VPS37D: variants seen among roughly 807,000 people sequenced by gnomAD.
The protein encoded by VPS37D is vacuolar protein sorting-associated protein 37D.
In VPS37D, 5 loss-of-function variants were observed where a neutral mutation model predicts 22.0. The ratio of observed to expected loss-of-function variants is 0.23; its 90% confidence interval spans 0.12 to 0.48. The LOEUF is 0.48. VPS37D is among the 20% of genes least tolerant of loss of function. VPS37D has a pLI of 0.99. For missense variants in VPS37D, 384 were observed against 345.8 expected (o/e 1.11, Z -0.88); for synonymous variants, 174 against 159.3 (o/e 1.09, Z -0.69).
rs1329530544 is a variant in VPS37D at position 73,671,552 on chromosome 7, G to T, written c.*176G>T. On this transcript the variant is annotated 3_prime_UTR_variant, in exon 4 of 4. Transcript: ENST00000324941. The stretch of plus-strand genomic sequence containing the variant: ...GTCCCCTGGAAGAGGCCCGAGAGGG[G>T]GCTGGGGGTGGGTGGGCAGGGCTTT... 2.8e-6 allele frequency: 1 copy of T among 362,976 alleles called. No homozygotes were observed. Among genetic ancestry groups the T allele is most frequent in the Non-Finnish European group, 4.9e-6 (1 of 203,640 alleles). 22.5% of individuals were successfully genotyped at this position (362,976 alleles called of 1,614,324 possible). A position where few individuals can be genotyped will look rare whatever the true frequency, so the allele number is the denominator to read the frequency against.
At chr7:73,667,496 C>CT (rs1431860364), upstream of VPS37D, among the ~76,000 whole-genome samples, 1 of 152,086 alleles carries the variant, frequency 6.6e-6, no homozygotes, top group Non-Finnish European at 1.5e-5. Flanking sequence ...TTGGGGAGGG[C>CT]TGCAAGGCAG....
chr7:73,669,804 G>A (rs544645776), intron 2 of VPS37D, among the ~76,000 whole-genome samples: 2 of 152,268 alleles, frequency 1.3e-5, no homozygotes, highest in East Asian at 3.9e-4. Context: ...AGATGCTGAG[G>A]GGGACAAAGC....
intron 3 of VPS37D, 64 bp downstream of exon 3, chr7:73,670,166 C>T: frequency 6.5e-7 from 1 of 1,547,840 alleles, no homozygotes; most frequent in Non-Finnish European, 8.7e-7. Context: ...CACCCCCTGG[C>T]TCATTCTTAC....
chr7:73,667,485 C>T (rs896180291), upstream of VPS37D, among the ~76,000 whole-genome samples: 1 of 152,116 alleles, frequency 6.6e-6, no homozygotes, highest in Non-Finnish European at 1.5e-5. Flanking sequence ...AAAACTGAGG[C>T]TTGGGGAGGG....
chr7:73,668,640 G>C (rs891254119), intron 1 of VPS37D, among the ~76,000 whole-genome samples: 1 of 152,036 alleles, frequency 6.6e-6, no homozygotes, highest in Admixed American at 6.6e-5. Context: ...TTGTCTGTGG[G>C]GGGCAGAAAG....
Position 73,668,014 on chromosome 7 carries a change from T to G in VPS37D, c.56T>G (p.Phe19Cys). The stretch of plus-strand genomic sequence containing the variant: ...CCGGAGCCCGGCAGCCCGGGGCGCT[T>G]TGGGATCCTCAGCACCGGGCAGCTC... ...AGPEPGSPGR[F>C]GILSTGQLRD... The change falls in exon 1 of 4, where the codon TTT becomes TGT. Residue 19 changes from phenylalanine (F) to cysteine (C), a missense_variant. Physicochemically the swap from Phe to Cys is radical, Grantham distance 205 (BLOSUM62 -2). Coordinates refer to ENST00000324941, the MANE Select transcript of VPS37D (RefSeq NM_001077621.2). The G allele has an allele frequency of 4.4e-6, 5 of 1,125,906 alleles. No individual in the cohort carries two copies. The highest frequency in any genetic ancestry group is 2.2e-6 in the Non-Finnish European group (2 of 912,698). The allele number at this position is 1,125,906 out of a possible 1,614,324, so 69.7% of individuals were successfully genotyped here.
In VPS37D at chr7:73,668,053, A is replaced by G. The variant is rs1554608996; in HGVS notation, c.95A>G (p.Gln32Arg). 2.6e-6 allele frequency: 3 copies of G among 1,163,670 alleles called. No homozygotes were observed. The highest frequency in any genetic ancestry group is 1.1e-6 in the Non-Finnish European group (1 of 932,812). The allele number at this position is 1,163,670 out of a possible 1,614,324, so 72.1% of individuals were successfully genotyped here. A position where few individuals can be genotyped will look rare whatever the true frequency, so the allele number is the denominator to read the frequency against. ...LSTGQLRDLLQDEPKLDRIVR... is the reference protein window; with the variant it reads ...LSTGQLRDLLRDEPKLDRIVR... ...ACCGGGCAGCTCCGGGACCTGCTTC[A>G]GGATGAGCCCAAGCTGGACCGGATC... is the stretch of plus-strand genomic sequence containing the variant. Residue 32 changes from glutamine to arginine, a missense_variant, in exon 1 of 4, where the codon CAG becomes CGG. By Grantham distance (43) the Gln-to-Arg change is conservative (BLOSUM62 1). Coordinates refer to ENST00000324941, the MANE Select transcript of VPS37D (RefSeq NM_001077621.2).
At chr7:73,669,611 AC>A in intron 2 of VPS37D, 21 bp downstream of exon 2, 3 of 1,574,480 alleles carry the variant, frequency 1.9e-6, no homozygotes, top group South Asian at 1.2e-5. Context: ...GTCTGGGAGA[AC>A]CCCCTGGGGC....
In VPS37D at chr7:73,668,104, G is replaced by A. The variant is rs1797422966; in HGVS notation, c.138+8G>A. 4 of 1,095,822 alleles carry A rather than the reference G, an allele frequency of 3.7e-6. No homozygotes were observed. Among genetic ancestry groups the A allele is most frequent in the Non-Finnish European group, 4.5e-6 (4 of 893,228 alleles). 67.9% of individuals were successfully genotyped at this position (1,095,822 alleles called of 1,614,324 possible). ...GTGCGGCTCAGCAGGAAGGTAGCGC[G>A]GGGGGCTCGAGCGGGGGGCGCGGGG... On this transcript the variant is annotated splice_region_variant and intron_variant, in intron 1 of 3. Coordinates refer to ENST00000324941, the MANE Select transcript of VPS37D (RefSeq NM_001077621.2).
chr7:73,667,669 T>G (rs534138600), upstream of VPS37D, among the ~76,000 whole-genome samples: 1 of 151,574 alleles, frequency 6.6e-6, no homozygotes, highest in Non-Finnish European at 1.5e-5. Flanking sequence ...CGGCTCAGAT[T>G]CCGGGAGGGG....
chr7:73,667,330 T>C (rs1033152306), upstream of VPS37D, among the ~76,000 whole-genome samples: 1 of 151,766 alleles, frequency 6.6e-6, no homozygotes, highest in African/African-American at 2.4e-5. Flanking sequence ...GGGGTCTTGT[T>C]ATGTTGCCCA....
In VPS37D at chr7:73,671,444, C is replaced by T. The variant is rs1191961350; in HGVS notation, c.*68C>T. On this transcript the variant is annotated 3_prime_UTR_variant, in exon 4 of 4. Transcript: ENST00000324941. Reference sequence around the variant, plus strand: ...TGATGCGTGGCTCCTCCTCCTCCCCCACTGCCTGGGTGGGGGGAGGGGCAG... The same window carrying T: ...TGATGCGTGGCTCCTCCTCCTCCCCTACTGCCTGGGTGGGGGGAGGGGCAG... 2 of 889,714 alleles carry T rather than the reference C, an allele frequency of 2.2e-6. No individual in the cohort carries two copies. Among genetic ancestry groups the T allele is most frequent in the South Asian group, 5.4e-5 (2 of 37,006 alleles). The allele number at this position is 889,714 out of a possible 1,614,324, so 55.1% of individuals were successfully genotyped here. A position where few individuals can be genotyped will look rare whatever the true frequency, so the allele number is the denominator to read the frequency against.
intron 1 of VPS37D, 46 bp from the exon 2 acceptor site, chr7:73,669,373 A>AG (rs1554609216): frequency 6.7e-7 from 1 of 1,503,206 alleles, no homozygotes; most frequent in Non-Finnish European, 8.9e-7. Flanking sequence ...TAGGGTGGAC[A>AG]GGGCAGATCC....
chr7:73,665,387 ACT>A (rs1160606615), upstream of VPS37D, among the ~76,000 whole-genome samples: 3 of 151,762 alleles, frequency 2.0e-5, no homozygotes, highest in Non-Finnish European at 4.4e-5. Context: ...ACAGAGGGAG[ACT>A]CTGTCTAAAA....
chr7:73,667,966 G>A lies in VPS37D; in HGVS notation c.8G>A (p.Arg3Gln). 3 of 1,054,212 alleles carry A rather than the reference G, an allele frequency of 2.8e-6. No individual in the cohort carries two copies. The highest frequency in any genetic ancestry group is 3.4e-6 in the Non-Finnish European group (3 of 873,604). 65.3% of individuals were successfully genotyped at this position (1,054,212 alleles called of 1,614,324 possible). MY[R>Q]ARAARAGPEP... ...GGGGCGCGGGCGGGCGGCATGTACC[G>A]GGCCCGGGCGGCGCGGGCGGGGCCG... Residue 3 changes from arginine (R) to glutamine (Q), a missense_variant, in exon 1 of 4, where the codon CGG becomes CAG. Coordinates refer to ENST00000324941, the MANE Select transcript of VPS37D (RefSeq NM_001077621.2).
intron 2 of VPS37D, 51 bp downstream of exon 2, chr7:73,669,641 A>G (rs1797461158): frequency 1.3e-6 from 2 of 1,539,386 alleles, no homozygotes; most frequent in African/African-American, 1.4e-5. Context: ...GCAGTTGGCC[A>G]TCCGGTGGGT....
At chr7:73,667,004 G>A (rs61552868), upstream of VPS37D, among the ~76,000 whole-genome samples, 171 of 131,138 alleles carry the variant, frequency 1.3e-3, no homozygotes, top group African/African-American at 4.6e-3. Context: ...ACGGAGTCTC[G>A]CTCTGTCACC....
chr7:73,670,911 G>A, intron 3 of VPS37D, 103 bp from the exon 4 acceptor site: 1 of 1,484,062 alleles, frequency 6.7e-7, no homozygotes, highest in Non-Finnish European at 9.0e-7. Flanking sequence ...CCCCAGCTGA[G>A]GGGTGATCAC....
upstream of VPS37D, among the ~76,000 whole-genome samples, chr7:73,666,147 C>G (rs1797368116): frequency 6.6e-6 from 1 of 152,118 alleles, no homozygotes; most frequent in East Asian, 1.9e-4. Flanking sequence ...TTTGTAAAGA[C>G]AAGGTACAGG....
Sources: allele counts gnomAD v4.1 joint callset (sites outside exome capture counted in the v4.1 genomes callset), GRCh38; gene constraint gnomAD v4.1.1; transcripts MANE v1.5; gene names NCBI Gene and HGNC (gene_info 2026-07-23, HGNC 2026-07-21).